The following ANK2 variants were observed in gnomAD, a reference collection of about 807,000 sequenced individuals.
The protein encoded by ANK2 is ankyrin-2.
Under a neutral mutation model 360.5 loss-of-function variants are expected in ANK2, and 83 were observed. That is an observed-to-expected ratio of 0.23 (90% CI 0.19 to 0.28). The LOEUF is 0.28. Ranked by LOEUF, ANK2 falls within the 10% of genes least tolerant of loss-of-function variation. The probability of loss-of-function intolerance (pLI) is 1.00; values close to 1 mark genes in which losing one functional copy is unlikely to be tolerated. For synonymous variants in ANK2, 1,740 were observed against 1,759.5 expected, an observed-to-expected ratio of 0.99 and a Z score of 0.28; for missense variants, 4,201 against 4,795.7, an observed-to-expected ratio of 0.88 and a Z score of 3.66.
In ANK2 at chr4:113,028,573, C is replaced by T. The variant is rs973005541; in HGVS notation, c.21+124059C>T. On this transcript the variant is annotated intron_variant, in intron 2 of 30. Coordinates refer to the ANK2 transcript ENST00000503271. ...GACATGTTCTAAGGACACAGTGGAACAAAGGAGTAAAAGCCAATTATCTTT... is the reference window on the plus strand; with the variant it reads ...GACATGTTCTAAGGACACAGTGGAATAAAGGAGTAAAAGCCAATTATCTTT... Among the ~76,000 whole-genome samples, 27 of 152,002 alleles carry T rather than the reference C, an allele frequency of 1.8e-4. 1 individual carries two copies. Among genetic ancestry groups the T allele is most frequent in the Admixed American group, 1.8e-3 (27 of 15,242 alleles).
chr4:112,961,176 G>A (rs1172409979), intron 2 of ANK2, among the ~76,000 whole-genome samples: 3 of 151,628 alleles, frequency 2.0e-5, no homozygotes, highest in African/African-American at 4.9e-5. Context: ...TTCCTTGTCC[G>A]GGTGGACAGC....
chr4:112,822,755 A>C (rs1452426247), intron 1 of ANK2, among the ~76,000 whole-genome samples: 3 of 151,784 alleles, frequency 2.0e-5, no homozygotes, highest in Admixed American at 2.0e-4. Flanking sequence ...AAAAAAAAAA[A>C]CCTGAAATAA....
chr4:113,238,703 A>C (rs1011149742), intron 7 of ANK2, among the ~76,000 whole-genome samples: 3 of 152,220 alleles, frequency 2.0e-5, no homozygotes, highest in Non-Finnish European at 4.4e-5. Context: ...CTGAGTTATA[A>C]ATATTTGCTT....
chr4:113,163,536 G>A lies in ANK2; in HGVS notation c.85-10880G>A, dbSNP rs1166314174. On this transcript the variant is annotated intron_variant, in intron 1 of 45. Coordinates refer to ENST00000357077, the MANE Select transcript of ANK2 (RefSeq NM_001148.6). ...TCACAGCACTTTGGGAGGCCGAGGC[G>A]GGTGGATCATCTGAGGTCAGGAGTT... 5.3e-5 allele frequency among the ~76,000 whole-genome samples: 8 copies of A among 151,544 alleles called. No homozygotes were observed. In the South Asian group the frequency reaches 1.3e-3, roughly 24 times the overall value.
rs187553767 is a variant in ANK2, at chr4:113,240,723, A to G, written c.792+140A>G. 3.4e-5 allele frequency: 25 copies of G among 743,730 alleles called. No individual in the cohort carries two copies. The East Asian group carries it at 6.3e-4, about 19-fold the overall frequency. The allele number at this position is 743,730 out of a possible 1,614,324, so 46.1% of individuals were successfully genotyped here. On this transcript the variant is annotated intron_variant, in intron 8 of 45. Coordinates refer to ENST00000357077, the MANE Select transcript of ANK2 (RefSeq NM_001148.6). ...CTGTGCTGGAGATACTAGATTTTTC[A>G]TTTCCTTTCTTTAAATCACAAGAAG...
At position 113,339,249 on chromosome 4, in the gene ANK2, G is replaced by A. The variant is rs752570845; in HGVS notation, c.3820G>A (p.Glu1274Lys). The A allele has an allele frequency of 6.2e-7, 1 of 1,613,830 alleles. No individual in the cohort carries two copies. The highest frequency in any genetic ancestry group is 8.5e-7 in the Non-Finnish European group (1 of 1,179,922). Residue 1274 changes from glutamate to lysine, a missense_variant, in exon 32 of 46, where the codon GAA becomes AAA. Physicochemically the swap from Glu to Lys is moderately conservative, Grantham distance 56 (BLOSUM62 1). Coordinates refer to ENST00000357077, the MANE Select transcript of ANK2 (RefSeq NM_001148.6). ...ITGGTTPAQW[E>K]DITGTTPLTF... ...AGGTGGAACCACCCCTGCCCAGTGG[G>A]AAGATATTACAGGAACTACGCCATT...
chr4:113,164,001 G>A (rs2097661302), intron 1 of ANK2, among the ~76,000 whole-genome samples: 1 of 151,944 alleles, frequency 6.6e-6, no homozygotes, highest in Admixed American at 6.6e-5. Context: ...CCTCCCCATG[G>A]CATCCTTTGG....
chr4:113,350,276 G>T (rs781073408), intron 37 of ANK2, 27 bp downstream of exon 37: 7 of 1,591,842 alleles, frequency 4.4e-6, no homozygotes, highest in Non-Finnish European at 6.0e-6. Context: ...AATTGAGTTT[G>T]TTTGAAAGCT....
At chr4:112,953,201 C>T (rs1338707011) in intron 2 of ANK2, among the ~76,000 whole-genome samples, 2 of 152,232 alleles carry the variant, frequency 1.3e-5, no homozygotes, top group African/African-American at 2.4e-5. Context: ...CTATAATCTC[C>T]TGCCTCTCAT....
At chr4:112,955,453 A>T (rs2095284788) in intron 2 of ANK2, among the ~76,000 whole-genome samples, 1 of 152,140 alleles carries the variant, frequency 6.6e-6, no homozygotes, top group Non-Finnish European at 1.5e-5. Flanking sequence ...TGAGAGCGTT[A>T]ATAGTAATGA....
intron 2 of ANK2, among the ~76,000 whole-genome samples, chr4:113,190,576 G>A (rs1262267995): frequency 1.3e-5 from 2 of 151,690 alleles, no homozygotes; most frequent in African/African-American, 4.8e-5. Context: ...TTAAAAAATA[G>A]AGCTAATGAG....
the ANK2 span, among the ~76,000 whole-genome samples, chr4:112,772,675 GAGA>G: frequency 6.6e-6 from 1 of 152,198 alleles, no homozygotes; most frequent in Non-Finnish European, 1.5e-5. Flanking sequence ...CATTACCTAG[GAGA>G]AGAAGTGTGT....
the ANK2 span, among the ~76,000 whole-genome samples, chr4:112,754,396 C>G: frequency 2.0e-5 from 3 of 151,542 alleles, no homozygotes; most frequent in Non-Finnish European, 4.4e-5. Context: ...CCAGTTCTAA[C>G]ATCCTATGGT....
chr4:113,096,702 CTAT>C (rs2091192307), intron 1 of ANK2, among the ~76,000 whole-genome samples: 3 of 152,038 alleles, frequency 2.0e-5, no homozygotes, highest in Admixed American at 6.6e-5. Flanking sequence ...CCAACTATTA[CTAT>C]TATTATTATT....
At chr4:113,115,915 A>C (rs962409013) in intron 1 of ANK2, among the ~76,000 whole-genome samples, 1 of 152,168 alleles carries the variant, frequency 6.6e-6, no homozygotes, top group South Asian at 2.1e-4. Flanking sequence ...AAAATGCAAC[A>C]GTTGTGTGTA....
intron 14 of ANK2, among the ~76,000 whole-genome samples, chr4:113,267,278 G>T (rs902605124): frequency 6.6e-6 from 1 of 152,086 alleles, no homozygotes; most frequent in Non-Finnish European, 1.5e-5. Flanking sequence ...GTCAATTTTG[G>T]TTTTTGTTGC....
At chr4:112,761,053 C>G in the ANK2 span, among the ~76,000 whole-genome samples, 2 of 151,888 alleles carry the variant, frequency 1.3e-5, no homozygotes, top group African/African-American at 4.8e-5. Context: ...ATGATCCGCC[C>G]GCCTCGGCCT....
chr4:112,847,480 T>C (rs778234690), intron 1 of ANK2, among the ~76,000 whole-genome samples: 1 of 152,180 alleles, frequency 6.6e-6, no homozygotes, highest in Non-Finnish European at 1.5e-5. Context: ...AAAAAAACTC[T>C]ATCTTGTATT....
intron 2 of ANK2, among the ~76,000 whole-genome samples, chr4:113,028,204 G>A (rs760384339): frequency 5.9e-5 from 9 of 152,084 alleles, no homozygotes; most frequent in African/African-American, 9.7e-5. Context: ...AGAGCACAGA[G>A]TAGGCAAGCA....
Sources: gnomAD v4.1 joint callset for allele counts (sites outside exome capture counted in the v4.1 genomes callset) on GRCh38, gnomAD v4.1.1 for gene constraint, MANE v1.5 for transcripts, NCBI Gene and HGNC (gene_info 2026-07-23, HGNC 2026-07-21) for gene names.